Variants in BTF3L4 observed in about 807,000 individuals in gnomAD.
BTF3L4 encodes the protein transcription factor BTF3 homolog 4.
A neutral mutation model predicts 16.8 loss-of-function variants in BTF3L4; 6 were observed. That is an observed-to-expected ratio of 0.36 (90% CI 0.20 to 0.71). The LOEUF is 0.71. Among genes scored for constraint, BTF3L4 ranks in the 30% least tolerant of loss-of-function variants. The pLI is 0.58. For missense variants in BTF3L4, 92 were observed against 186.9 expected (o/e 0.49, Z 2.96); for synonymous variants, 39 against 59.8 (o/e 0.65, Z 1.60).
At chr1:52,086,288 C>A in intron 5 of BTF3L4, 117 bp downstream of exon 5, 1 of 728,550 alleles carries the variant, frequency 1.4e-6, no homozygotes, top group Non-Finnish European at 2.2e-6. Flanking sequence ...TAAATTGATT[C>A]ACAATAATGT....
intron 3 of BTF3L4, among the ~76,000 whole-genome samples, chr1:52,081,647 C>A (rs781495804): frequency 7.9e-5 from 12 of 152,194 alleles, no homozygotes; most frequent in Non-Finnish European, 1.8e-4. Flanking sequence ...TATAATTTAT[C>A]TTTTCTGAAG....
chr1:52,060,875 G>A (rs556291873), intron 2 of BTF3L4, among the ~76,000 whole-genome samples: 2 of 152,348 alleles, frequency 1.3e-5, no homozygotes, highest in South Asian at 4.1e-4. Flanking sequence ...GATGTGATGT[G>A]CCAATGCAGA....
Position 52,088,046 on chromosome 1 carries a change from G to C in BTF3L4, c.*1288G>C, listed in dbSNP as rs912652848. On this transcript the variant is annotated 3_prime_UTR_variant, in exon 6 of 6. Transcript: ENST00000313334. ...AGGTAAGTTGCATTCATTCACTCAA[G>C]TTTCCCTCTTGCTGTCTAATAGAAG... 2.0e-5 allele frequency: 3 copies of C among 152,518 alleles called. No individual in the cohort carries two copies. Among genetic ancestry groups the C allele is most frequent in the African/African-American group, 7.2e-5 (3 of 41,416 alleles). 9.4% of individuals were successfully genotyped at this position (152,518 alleles called of 1,614,324 possible).
chr1:52,070,936 G>A (rs1686773017), intron 3 of BTF3L4, among the ~76,000 whole-genome samples: 1 of 152,076 alleles, frequency 6.6e-6, no homozygotes, highest in Non-Finnish European at 1.5e-5. Context: ...ACTGCGCCTG[G>A]CCAATAACCA....
intron 3 of BTF3L4, among the ~76,000 whole-genome samples, chr1:52,069,876 A>AT (rs544658332): frequency 7.2e-5 from 11 of 151,858 alleles, no homozygotes; most frequent in East Asian, 1.9e-4. Flanking sequence ...AGTATTTGTG[A>AT]TTTTTTTTCC....
At position 52,088,274 on chromosome 1, in the gene BTF3L4, G is replaced by A. The variant is rs912643076; in HGVS notation, c.*1516G>A. On this transcript the variant is annotated 3_prime_UTR_variant, in exon 6 of 6. Coordinates refer to ENST00000313334, the MANE Select transcript of BTF3L4 (RefSeq NM_152265.5). Reference sequence around the variant, plus strand: ...AGAGATCTGTAGACATGAAGGCAAAGCTCTTGTATTTTTTTTCATCCAAAC... The same window carrying A: ...AGAGATCTGTAGACATGAAGGCAAAACTCTTGTATTTTTTTTCATCCAAAC... 9 of 152,440 alleles carry A rather than the reference G, an allele frequency of 5.9e-5. No individual in the cohort carries two copies. Among genetic ancestry groups the A allele is most frequent in the Non-Finnish European group, 1.5e-5 (1 of 67,992 alleles). 9.4% of individuals were successfully genotyped at this position (152,440 alleles called of 1,614,324 possible).
At chr1:52,063,084 C>T (rs1686561371) in intron 2 of BTF3L4, among the ~76,000 whole-genome samples, 1 of 152,090 alleles carries the variant, frequency 6.6e-6, no homozygotes, top group Admixed American at 6.5e-5. Flanking sequence ...GGTCAGTGGC[C>T]TGGGGGTTGG....
chr1:52,060,568 AG>A (rs1045853448), intron 2 of BTF3L4: 15 of 1,197,998 alleles, frequency 1.3e-5, no homozygotes, highest in Non-Finnish European at 1.6e-5. Context: ...CTGTGGCACC[AG>A]GCTCAAGGAG....
At chr1:52,067,199 ACT>A (rs1433308354) in intron 3 of BTF3L4, among the ~76,000 whole-genome samples, 1 of 152,014 alleles carries the variant, frequency 6.6e-6, no homozygotes, top group Non-Finnish European at 1.5e-5. Context: ...ATCATGTGAG[ACT>A]CTGTCTGAAA....
chr1:52,067,444 G>A lies in BTF3L4; in HGVS notation c.168+2506G>A, dbSNP rs566804201. Among the ~76,000 whole-genome samples the A allele has an allele frequency of 6.6e-5, 10 of 152,262 alleles. No individual in the cohort carries two copies. In the South Asian group the frequency reaches 1.9e-3, roughly 28 times the overall value. Reference sequence around the variant, plus strand: ...TTTTTCCTTTCAGCTTGATGTGACTGTGCCTTGTTACTCTGAGATACAGAT... The same window carrying A: ...TTTTTCCTTTCAGCTTGATGTGACTATGCCTTGTTACTCTGAGATACAGAT... On this transcript the variant is annotated intron_variant, in intron 3 of 5. Transcript: ENST00000313334.
chr1:52,079,525 C>T (rs1198276232), intron 3 of BTF3L4, among the ~76,000 whole-genome samples: 1 of 152,112 alleles, frequency 6.6e-6, no homozygotes, highest in African/African-American at 2.4e-5. Context: ...CCATTTAAAA[C>T]AGCCATGAAT....
chr1:52,057,964 A>C (rs988964708), intron 1 of BTF3L4, among the ~76,000 whole-genome samples: 1 of 152,214 alleles, frequency 6.6e-6, no homozygotes, highest in Admixed American at 6.5e-5. Flanking sequence ...GGGAATTGTT[A>C]CTTCAAAATG....
chr1:52,067,885 G>T (rs186961226), intron 3 of BTF3L4, among the ~76,000 whole-genome samples: 1 of 152,238 alleles, frequency 6.6e-6, no homozygotes, highest in East Asian at 1.9e-4. Context: ...CTAGGTGCTG[G>T]TAACAGACCT....
At chr1:52,063,183 A>C (rs941149609) in intron 2 of BTF3L4, among the ~76,000 whole-genome samples, 5 of 152,224 alleles carry the variant, frequency 3.3e-5, no homozygotes, top group African/African-American at 1.2e-4. Context: ...GGGCATGCAG[A>C]AGAATCTAGG....
chr1:52,082,289 C>A (rs1473470430), intron 3 of BTF3L4, among the ~76,000 whole-genome samples: 2 of 152,114 alleles, frequency 1.3e-5, no homozygotes, highest in Non-Finnish European at 2.9e-5. Context: ...TGAAATAGTT[C>A]ATATTGGTGA....
Position 52,063,491 on chromosome 1 carries a change from CTACCT to C in BTF3L4, c.55-1328_55-1324del, listed in dbSNP as rs1686571621. 7.2e-5 allele frequency among the ~76,000 whole-genome samples: 11 copies of C among 152,094 alleles called. No individual in the cohort carries two copies. The South Asian group carries it at 2.3e-3, about 32-fold the overall frequency. Reference sequence around the variant, plus strand: ...ACCGGAATTGCTGAGACTGAAGCCCCTACCTTACCTCTATAAGGCTGATTCCCTGA... The same window carrying C: ...ACCGGAATTGCTGAGACTGAAGCCCCTACCTCTATAAGGCTGATTCCCTGA... On this transcript the variant is annotated intron_variant, in intron 2 of 5. Transcript: ENST00000313334.
intron 2 of BTF3L4, chr1:52,060,565 A>C: frequency 8.3e-7 from 1 of 1,206,970 alleles, no homozygotes; most frequent in Non-Finnish European, 1.1e-6. Flanking sequence ...CAGCTGTGGC[A>C]CCAGGCTCAA....
chr1:52,075,911 C>T (rs1467998579), intron 3 of BTF3L4, among the ~76,000 whole-genome samples: 5 of 152,002 alleles, frequency 3.3e-5, no homozygotes, highest in African/African-American at 7.3e-5. Flanking sequence ...GTGATCCACC[C>T]GCCTCAGCCT....
At chr1:52,066,422 A>G (rs1396048533) in intron 3 of BTF3L4, among the ~76,000 whole-genome samples, 1 of 150,508 alleles carries the variant, frequency 6.6e-6, no homozygotes, top group African/African-American at 2.4e-5. Context: ...GGCTGGTTTC[A>G]AACTCCTGAC....
Sources: allele counts gnomAD v4.1 joint callset (sites outside exome capture counted in the v4.1 genomes callset), GRCh38; gene constraint gnomAD v4.1.1; transcripts MANE v1.5; gene names NCBI Gene and HGNC (gene_info 2026-07-23, HGNC 2026-07-21).